The following TRIM13 variants were observed in gnomAD, a reference collection of about 807,000 sequenced individuals.
TRIM13 encodes the protein E3 ubiquitin-protein ligase TRIM13.
A neutral mutation model predicts 27.1 loss-of-function variants in TRIM13; 15 were observed. The ratio of observed to expected loss-of-function variants is 0.55; its 90% CI spans 0.37 to 0.85. The LOEUF is 0.85. TRIM13 is among the 40% of genes least tolerant of loss of function. The probability of loss-of-function intolerance (pLI) is 0.00; values close to 1 mark genes in which losing one functional copy is unlikely to be tolerated. For missense variants in TRIM13, 402 were observed against 472.2 expected (o/e 0.85, Z 1.38); for synonymous variants, 193 against 171.5 (o/e 1.13, Z -0.98).
rs1876316721 is a variant in TRIM13, at chr13:50,015,096, TATATATATATATA to T, written c.*1933_*1945del. 138 of 49,676 alleles carry T rather than the reference TATATATATATATA, an allele frequency of 2.8e-3. 14 individuals are homozygous for T. Among genetic ancestry groups the T allele is most frequent in the Admixed American group, 4.2e-3 (18 of 4,280 alleles). 3.1% of individuals were successfully genotyped at this position (49,676 alleles called of 1,614,324 possible). A position where few individuals can be genotyped will look rare whatever the true frequency, so the allele number is the denominator to read the frequency against. On this transcript the variant is annotated 3_prime_UTR_variant, in exon 2 of 2. Transcript: ENST00000378182. ...GTAATAAAAAAAAAAAAAAAAAAAATATATATATATATATATATATATATATATATATATATAT... is the reference window on the plus strand; with the variant it reads ...GTAATAAAAAAAAAAAAAAAAAAAATTATATATATATATATATATATATAT...
chr13:50,000,595 A>C (rs1008488765), intron 1 of TRIM13, among the ~76,000 whole-genome samples: 1 of 152,234 alleles, frequency 6.6e-6, no homozygotes. Context: ...TAATAAAATA[A>C]GGGGATAGGA....
chr13:50,000,469 CACAA>C (rs1349208348), intron 1 of TRIM13, among the ~76,000 whole-genome samples: 3 of 152,094 alleles, frequency 2.0e-5, no homozygotes, highest in Non-Finnish European at 4.4e-5. Flanking sequence ...CACAACAACC[CACAA>C]ACAAAACAAC....
chr13:50,006,803 C>T (rs931210855), intron 1 of TRIM13, among the ~76,000 whole-genome samples: 44 of 152,116 alleles, frequency 2.9e-4, no homozygotes, highest in African/African-American at 9.4e-4. Context: ...TGCAATATGA[C>T]ACTAAATTTG....
chr13:50,013,980 T>C lies in TRIM13; in HGVS notation c.*816T>C, dbSNP rs1875996225. The C allele has an allele frequency of 6.0e-6, 1 of 166,842 alleles. No homozygotes were observed. Among genetic ancestry groups the C allele is most frequent in the Admixed American group, 6.6e-5 (1 of 15,240 alleles). The allele number at this position is 166,842 out of a possible 1,614,324, so 10.3% of individuals were successfully genotyped here. On this transcript the variant is annotated 3_prime_UTR_variant, in exon 2 of 2. Coordinates refer to ENST00000378182, the MANE Select transcript of TRIM13 (RefSeq NM_213590.3). ...CTAATTAATTAGATTTCCAAAATTT[T>C]CTACAGAGAGTTAATTATCACCAAA...
rs1213943810 is a variant in TRIM13 at position 50,015,092 on chromosome 13, A to AT, written c.*1928_*1929insT. On this transcript the variant is annotated 3_prime_UTR_variant, in exon 2 of 2. Coordinates refer to ENST00000378182, the MANE Select transcript of TRIM13 (RefSeq NM_213590.3). ...CCCAGTAATAAAAAAAAAAAAAAAAAAAATATATATATATATATATATATA... is the reference window on the plus strand; with the variant it reads ...CCCAGTAATAAAAAAAAAAAAAAAAATAAATATATATATATATATATATATA... 3.8e-4 allele frequency: 9 copies of AT among 23,410 alleles called. No homozygotes were observed. Among genetic ancestry groups the AT allele is most frequent in the Admixed American group, 1.2e-3 (2 of 1,638 alleles). 1.5% of individuals were successfully genotyped at this position (23,410 alleles called of 1,614,324 possible).
Position 50,014,178 on chromosome 13 carries a change from A to AT in TRIM13, c.*1014_*1015insT, listed in dbSNP as rs1876021194. 1 of 165,618 alleles carries AT rather than the reference A, an allele frequency of 6.0e-6. No individual in the cohort carries two copies. The highest frequency in any genetic ancestry group is 2.1e-4 in the South Asian group (1 of 4,788). 10.3% of individuals were successfully genotyped at this position (165,618 alleles called of 1,614,324 possible). A position where few individuals can be genotyped will look rare whatever the true frequency, so the allele number is the denominator to read the frequency against. ...CAAAAGCATAGATAGGTTAAAAAAA[A>AT]GGATCAGCTGGCTGGGCAGGGTGGC... On this transcript the variant is annotated 3_prime_UTR_variant, in exon 2 of 2. Coordinates refer to ENST00000378182, the MANE Select transcript of TRIM13 (RefSeq NM_213590.3).
rs1486479195 is a variant in TRIM13 at position 50,016,611 on chromosome 13, C to T, written c.*3447C>T. On this transcript the variant is annotated 3_prime_UTR_variant, in exon 2 of 2. Transcript: ENST00000378182. ...TGTTACAGCCTTGGCTCTTAAACAA[C>T]TCAAAATATTGGGATAGGCTGTCAG... 6.6e-5 allele frequency: 11 copies of T among 167,396 alleles called. No individual in the cohort carries two copies. 10.4% of individuals were successfully genotyped at this position (167,396 alleles called of 1,614,324 possible).
rs1876881874 is a variant in TRIM13 at position 50,018,351 on chromosome 13, C to T, written c.*5187C>T. 1 of 166,546 alleles carries T rather than the reference C, an allele frequency of 6.0e-6. No individual in the cohort carries two copies. The highest frequency in any genetic ancestry group is 2.4e-5 in the African/African-American group (1 of 41,456). The allele number at this position is 166,546 out of a possible 1,614,324, so 10.3% of individuals were successfully genotyped here. A position where few individuals can be genotyped will look rare whatever the true frequency, so the allele number is the denominator to read the frequency against. Reference sequence around the variant, plus strand: ...GAGATGTTCTGTAACATTTTTCTCACTTTGACAAATGTTTTTAGACTGTAC... The same window carrying T: ...GAGATGTTCTGTAACATTTTTCTCATTTTGACAAATGTTTTTAGACTGTAC... On this transcript the variant is annotated 3_prime_UTR_variant, in exon 2 of 2. Transcript: ENST00000378182.
chr13:50,004,422 G>C (rs902623718), intron 1 of TRIM13, among the ~76,000 whole-genome samples: 4 of 152,060 alleles, frequency 2.6e-5, no homozygotes, highest in African/African-American at 9.7e-5. Flanking sequence ...CTGTGTTAGG[G>C]TCACTGCATT....
At chr13:50,008,478 CA>C (rs149930846) in intron 1 of TRIM13, among the ~76,000 whole-genome samples, 19,973 of 145,890 alleles carry the variant, frequency 0.14, 1,397 homozygotes, top group African/African-American at 0.15. Flanking sequence ...CTGGTCTCTA[CA>C]AAAAAAAAAG....
chr13:50,015,634 C>T lies in TRIM13; in HGVS notation c.*2470C>T, dbSNP rs760983832. The T allele has an allele frequency of 2.5e-6, 4 of 1,614,028 alleles. No homozygotes were observed. The South Asian group carries it at 4.4e-5, about 18-fold the overall frequency. ...ACCAAGAATTCAAGATGGTTGGTGG[C>T]CAGATTTTTGTAGACAGAGATGGTG... On this transcript the variant is annotated 3_prime_UTR_variant, in exon 2 of 2. Coordinates refer to ENST00000378182, the MANE Select transcript of TRIM13 (RefSeq NM_213590.3).
In TRIM13 at chr13:50,012,476, C is replaced by T; in HGVS notation, c.536C>T (p.Ser179Leu). The T allele has an allele frequency of 6.2e-7, 1 of 1,613,870 alleles. No homozygotes were observed. Among genetic ancestry groups the T allele is most frequent in the Non-Finnish European group, 8.5e-7 (1 of 1,179,950 alleles). Residue 179 changes from serine to leucine, a missense_variant, in exon 2 of 2, where the codon TCA becomes TTA. Coordinates refer to ENST00000378182, the MANE Select transcript of TRIM13 (RefSeq NM_213590.3). ...RKSLQLLTKD[S>L]DKVKEFFEKL... ...TCCCTACAGTTACTGACTAAAGATT[C>T]AGATAAAGTGAAGGAATTTTTTGAG...
chr13:50,011,717 T>C (rs903091668), intron 1 of TRIM13, among the ~76,000 whole-genome samples: 2 of 152,204 alleles, frequency 1.3e-5, no homozygotes, highest in Non-Finnish European at 2.9e-5. Context: ...CACAAAGGCC[T>C]TGTGTATAGG....
chr13:50,004,019 T>C (rs1292890189), intron 1 of TRIM13, among the ~76,000 whole-genome samples: 1 of 152,238 alleles, frequency 6.6e-6, no homozygotes, highest in Non-Finnish European at 1.5e-5. Flanking sequence ...TTTAAGACTT[T>C]TCTAAGTATT....
At chr13:50,009,375 A>C (rs1425302399) in intron 1 of TRIM13, among the ~76,000 whole-genome samples, 1 of 152,072 alleles carries the variant, frequency 6.6e-6, no homozygotes, top group East Asian at 1.9e-4. Context: ...TGGGAGGTGG[A>C]GGTGGGACGA....
At chr13:50,009,736 CAAAAAA>C (rs35561642) in intron 1 of TRIM13, among the ~76,000 whole-genome samples, 1 of 101,162 alleles carries the variant, frequency 9.9e-6, no homozygotes, top group African/African-American at 3.8e-5. Context: ...GACTCCGTCT[CAAAAAA>C]AAAAAAAAAA....
At chr13:50,008,681 T>C (rs542640558) in intron 1 of TRIM13, among the ~76,000 whole-genome samples, 1 of 152,206 alleles carries the variant, frequency 6.6e-6, no homozygotes, top group East Asian at 1.9e-4. Context: ...TGAGAAATGG[T>C]ATTGCCTGTA....
intron 1 of TRIM13, among the ~76,000 whole-genome samples, chr13:49,999,835 C>A (rs974620511): frequency 6.6e-6 from 1 of 152,094 alleles, no homozygotes; most frequent in Non-Finnish European, 1.5e-5. Context: ...TGATTAAACC[C>A]CTTCATTTTA....
chr13:49,998,750 G>A (rs1249176067), intron 1 of TRIM13, among the ~76,000 whole-genome samples: 3 of 151,898 alleles, frequency 2.0e-5, no homozygotes, highest in Non-Finnish European at 1.5e-5. Context: ...CCAATATGGT[G>A]AAATCCCATC....
Sources: allele counts gnomAD v4.1 joint callset (sites outside exome capture counted in the v4.1 genomes callset), GRCh38; gene constraint gnomAD v4.1.1; transcripts MANE v1.5; gene names NCBI Gene and HGNC (gene_info 2026-07-23, HGNC 2026-07-21).